Variants in SORCS3 observed in about 807,000 individuals in gnomAD.
The protein encoded by SORCS3 is VPS10 domain-containing receptor SorCS3.
In SORCS3, 57 loss-of-function variants were observed where a neutral mutation model predicts 146.3. The observed-to-expected ratio is 0.39, with a 90% CI of 0.31 to 0.49. The LOEUF is 0.49. Among genes scored for constraint, SORCS3 ranks in the 20% least tolerant of loss-of-function variants. SORCS3 has a pLI of 0.92. For synonymous variants in SORCS3, 653 were observed against 618.5 expected, an observed-to-expected ratio of 1.06 and a Z score of -0.83; for missense variants, 1,341 against 1,575.5, an observed-to-expected ratio of 0.85 and a Z score of 2.52.
chr10:104,940,325 G>T (rs576725918), intron 3 of SORCS3, among the ~76,000 whole-genome samples: 279 of 128,150 alleles, frequency 2.2e-3, no homozygotes, highest in Non-Finnish European at 3.8e-3. Context: ...CATGTGCCAT[G>T]TTGGTGTGCC....
chr10:104,665,236 A>G (rs919484089), intron 1 of SORCS3: 2 of 152,426 alleles, frequency 1.3e-5, no homozygotes, highest in Admixed American at 1.3e-4. Flanking sequence ...AAGTTAGTTC[A>G]TAAATAATGA....
chr10:104,967,970 T>C (rs533167928), intron 3 of SORCS3, among the ~76,000 whole-genome samples: 9 of 152,130 alleles, frequency 5.9e-5, no homozygotes, highest in South Asian at 4.1e-4. Flanking sequence ...TTATCCTGGG[T>C]AATTTAAAGC....
chr10:105,009,073 A>G (rs2055115306), intron 4 of SORCS3, among the ~76,000 whole-genome samples: 1 of 152,210 alleles, frequency 6.6e-6, no homozygotes, highest in Non-Finnish European at 1.5e-5. Flanking sequence ...CAGTTACTAT[A>G]TGTCAGTCAT....
At chr10:105,054,493 A>C (rs949136106) in intron 5 of SORCS3, among the ~76,000 whole-genome samples, 1 of 151,868 alleles carries the variant, frequency 6.6e-6, no homozygotes, top group South Asian at 2.1e-4. Context: ...TCATCTAGTG[A>C]CTATATAACA....
chr10:105,067,353 C>T (rs1376682615), intron 5 of SORCS3, among the ~76,000 whole-genome samples: 2 of 152,138 alleles, frequency 1.3e-5, no homozygotes, highest in Non-Finnish European at 2.9e-5. Context: ...ATGGTGAAAC[C>T]CCATGTCTAC....
At chr10:104,684,476 C>T (rs972965687) in intron 1 of SORCS3, among the ~76,000 whole-genome samples, 3 of 152,106 alleles carry the variant, frequency 2.0e-5, no homozygotes, top group Non-Finnish European at 4.4e-5. Context: ...ACTGTGTGCC[C>T]GGCACGGGAG....
Position 104,761,607 on chromosome 10 carries a change from A to C in SORCS3, c.628-81185A>C, listed in dbSNP as rs369064689. On this transcript the variant is annotated intron_variant, in intron 1 of 26. Transcript: ENST00000369701. Reference sequence around the variant, plus strand: ...CCCTCTGCTTCTTGCAGAGTATCCAAGATCCTGAATGGATATTGACAGTCT... The same window carrying C: ...CCCTCTGCTTCTTGCAGAGTATCCACGATCCTGAATGGATATTGACAGTCT... Among the ~76,000 whole-genome samples, 16 of 152,330 alleles carry C rather than the reference A, an allele frequency of 1.1e-4. No homozygotes were observed. The East Asian group carries it at 2.3e-3, about 22-fold the overall frequency.
chr10:105,117,071 G>A (rs1385954567), intron 7 of SORCS3, among the ~76,000 whole-genome samples: 1 of 151,924 alleles, frequency 6.6e-6, no homozygotes, highest in Non-Finnish European at 1.5e-5. Flanking sequence ...TAATGGATCA[G>A]TACTCTTCTC....
chr10:104,675,170 T>C lies in SORCS3; in HGVS notation c.627+33216T>C, dbSNP rs1202390947. Among the ~76,000 whole-genome samples the C allele has an allele frequency of 2.6e-5, 4 of 152,350 alleles. No individual in the cohort carries two copies. In the South Asian group the frequency reaches 8.3e-4, roughly 32 times the overall value. Reference sequence around the variant, plus strand: ...ATTTTAGTCATTCTGTTGGGTATGGTGATAAATCCCATTGTGGTTTTTAAT... The same window carrying C: ...ATTTTAGTCATTCTGTTGGGTATGGCGATAAATCCCATTGTGGTTTTTAAT... On this transcript the variant is annotated intron_variant, in intron 1 of 26. Coordinates refer to ENST00000369701, the MANE Select transcript of SORCS3 (RefSeq NM_014978.3).
At chr10:104,756,145 A>G (rs1417183705) in intron 1 of SORCS3, among the ~76,000 whole-genome samples, 2 of 152,232 alleles carry the variant, frequency 1.3e-5, no homozygotes, top group African/African-American at 2.4e-5. Context: ...GAGCCTCGCA[A>G]CACTATTATT....
In SORCS3 at chr10:104,641,670, C is replaced by T; in HGVS notation, c.343C>T (p.Arg115Trp). Residue 115 changes from arginine to tryptophan, a missense_variant, in exon 1 of 27, where the codon CGG becomes TGG. Transcript: ENST00000369701. This position sits in a 1 kb window ranked among gnomAD's most constrained non-coding sequence, Gnocchi z 6.4. ...AGGTSPAGER[R>W]GRGIPAPAKL... ...AGGGACATCACCGGCAGGCGAGCGG[C>T]GGGGCCGGGGCATCCCAGCTCCTGC... is the stretch of plus-strand genomic sequence containing the variant. The T allele has an allele frequency of 6.6e-7, 1 of 1,524,136 alleles. No individual in the cohort carries two copies. The allele number at this position is 1,524,136 out of a possible 1,614,324, so 94.4% of individuals were successfully genotyped here. A position where few individuals can be genotyped will look rare whatever the true frequency, so the allele number is the denominator to read the frequency against.
chr10:105,230,394 C>A (rs924266300), intron 20 of SORCS3, among the ~76,000 whole-genome samples: 4 of 151,954 alleles, frequency 2.6e-5, no homozygotes, highest in Non-Finnish European at 5.9e-5. Context: ...TAGTGGTGGG[C>A]AGGGTTGCTT....
intron 1 of SORCS3, among the ~76,000 whole-genome samples, chr10:104,803,678 T>C (rs2017649863): frequency 6.6e-6 from 1 of 152,188 alleles, no homozygotes; most frequent in Admixed American, 6.5e-5. Context: ...TCTGGGTTGC[T>C]GTTTATAGGG....
At chr10:104,703,728 T>A (rs2016306390) in intron 1 of SORCS3, among the ~76,000 whole-genome samples, 1 of 144,206 alleles carries the variant, frequency 6.9e-6, no homozygotes, top group South Asian at 2.2e-4. Flanking sequence ...TTTTTTTTTT[T>A]AAGAAGAAAT....
At chr10:104,908,119 G>T (rs2018927752) in intron 2 of SORCS3, among the ~76,000 whole-genome samples, 1 of 152,214 alleles carries the variant, frequency 6.6e-6, no homozygotes, top group Admixed American at 6.5e-5. Flanking sequence ...AATAGCCTAT[G>T]GTCTTTGATT....
intron 14 of SORCS3, among the ~76,000 whole-genome samples, chr10:105,180,176 A>G (rs1353232586): frequency 6.6e-6 from 1 of 152,234 alleles, no homozygotes; most frequent in African/African-American, 2.4e-5. Context: ...AAGTGGGGAT[A>G]AAGTAATCAT....
At chr10:104,854,939 A>G (rs2018313815) in intron 2 of SORCS3, among the ~76,000 whole-genome samples, 2 of 152,100 alleles carry the variant, frequency 1.3e-5, no homozygotes, top group South Asian at 4.2e-4. Context: ...AATGTACGTC[A>G]ATTTGTTTAA....
chr10:105,171,747 C>T (rs2119540146), intron 13 of SORCS3, among the ~76,000 whole-genome samples: 1 of 152,294 alleles, frequency 6.6e-6, no homozygotes, highest in East Asian at 1.9e-4. Context: ...CATTGATTCT[C>T]AATGACCACT....
intron 17 of SORCS3, 103 bp from the exon 18 acceptor site, chr10:105,214,339 C>A: frequency 7.7e-7 from 1 of 1,305,692 alleles, no homozygotes; most frequent in Non-Finnish European, 1.1e-6. Flanking sequence ...ACCTGTTTTG[C>A]TCTTGCTCTC....
Sources: gnomAD v4.1 joint callset for allele counts (sites outside exome capture counted in the v4.1 genomes callset) on GRCh38, gnomAD v4.1.1 for gene constraint, Gnocchi (gnomAD v3.1) non-coding constraint, MANE v1.5 for transcripts, NCBI Gene and HGNC (gene_info 2026-07-23, HGNC 2026-07-21) for gene names.